The following CYP2U1 variants were observed in gnomAD, a reference collection of about 807,000 sequenced individuals.
CYP2U1 encodes the protein cytochrome P450 2U1.
Under a neutral mutation model 42.8 loss-of-function variants are expected in CYP2U1, and 28 were observed. That is an observed-to-expected ratio of 0.65 (90% confidence interval 0.48 to 0.90). The LOEUF (loss-of-function observed/expected upper bound fraction) is 0.90. CYP2U1 is among the 40% of genes least tolerant of loss of function. CYP2U1 has a pLI of 0.00. For synonymous variants in CYP2U1, 296 were observed against 278.9 expected (o/e 1.06, Z -0.61); for missense variants, 642 against 693.8 (o/e 0.93, Z 0.84).
At chr4:107,949,266 A>T (rs1733824042) in intron 3 of CYP2U1, 84 bp from the exon 4 acceptor site, 1 of 1,278,268 alleles carries the variant, frequency 7.8e-7, no homozygotes. Flanking sequence ...ATATAACTAC[A>T]TTTTTTTTTC....
chr4:107,946,188 G>C (rs751382423), intron 2 of CYP2U1, among the ~76,000 whole-genome samples: 5 of 152,162 alleles, frequency 3.3e-5, no homozygotes, highest in African/African-American at 2.4e-5. Context: ...TGAAAATCAG[G>C]ATGTTGACAG....
intron 1 of CYP2U1, chr4:107,937,995 C>T (rs944063238): frequency 1.3e-5 from 2 of 152,098 alleles, no homozygotes; most frequent in Non-Finnish European, 2.9e-5. Flanking sequence ...TTAGTCTATA[C>T]TTTATTTGGT....
chr4:107,946,968 C>A, intron 2 of CYP2U1, among the ~76,000 whole-genome samples: 1 of 152,174 alleles, frequency 6.6e-6, no homozygotes, highest in East Asian at 1.9e-4. Context: ...CACAGACCAA[C>A]TTGGTACAGA....
At chr4:107,941,412 C>A (rs1320163205) in intron 1 of CYP2U1, among the ~76,000 whole-genome samples, 4 of 152,054 alleles carry the variant, frequency 2.6e-5, no homozygotes, top group African/African-American at 4.8e-5. Flanking sequence ...GAAAATTTGG[C>A]TTTGACCGTT....
At chr4:107,941,617 T>TA (rs1402415295) in intron 1 of CYP2U1, among the ~76,000 whole-genome samples, 1 of 151,730 alleles carries the variant, frequency 6.6e-6, no homozygotes, top group African/African-American at 2.4e-5. Flanking sequence ...AGAAACTTTT[T>TA]TTTTTTTTTA....
Position 107,945,514 on chromosome 4 carries a change from C to T in CYP2U1, c.1035C>T (p.Ile345=). ...SSFDEEYLFY[I]IGDLFIAGTD... is the part of the protein sequence containing the mutation. ...TTGATGAAGAGTACTTATTTTATAT[C>T]ATTGGGGATCTCTTTATTGCTGGGA... The change falls in exon 2 of 5, where the codon ATC becomes ATT. Residue 345 remains isoleucine (I), a synonymous_variant. Coordinates refer to ENST00000332884, the MANE Select transcript of CYP2U1 (RefSeq NM_183075.3). The T allele has an allele frequency of 6.2e-7, 1 of 1,613,948 alleles. No homozygotes were observed. The highest frequency in any genetic ancestry group is 8.5e-7 in the Non-Finnish European group (1 of 1,179,950).
At chr4:107,932,739 C>T (rs1733074120) in intron 1 of CYP2U1, among the ~76,000 whole-genome samples, 1 of 152,196 alleles carries the variant, frequency 6.6e-6, no homozygotes. Flanking sequence ...TCTCTACCGT[C>T]CCCCTTTGTC....
At chr4:107,942,084 T>C (rs1340158726) in intron 1 of CYP2U1, among the ~76,000 whole-genome samples, 6 of 152,178 alleles carry the variant, frequency 3.9e-5, no homozygotes, top group Admixed American at 3.9e-4. Flanking sequence ...AGAAATGAAG[T>C]GTATCTGCGT....
At chr4:107,937,665 A>C (rs1733322637) in intron 1 of CYP2U1, 1 of 151,766 alleles carries the variant, frequency 6.6e-6, no homozygotes, top group Non-Finnish European at 1.5e-5. Flanking sequence ...CCTGCACCAC[A>C]CCTGGCTAAT....
At chr4:107,942,860 A>G (rs1181200476) in intron 1 of CYP2U1, among the ~76,000 whole-genome samples, 1 of 152,232 alleles carries the variant, frequency 6.6e-6, no homozygotes, top group African/African-American at 2.4e-5. Context: ...AAAATAGAGA[A>G]TGTGTTTATG....
At chr4:107,945,718 A>G in intron 2 of CYP2U1, 113 bp downstream of exon 2, 1 of 1,350,210 alleles carries the variant, frequency 7.4e-7, no homozygotes, top group East Asian at 2.3e-5. Flanking sequence ...CAGGCTGGCA[A>G]ACAAATACTT....
At chr4:107,937,950 A>G (rs747133903) in intron 1 of CYP2U1, 3 of 152,208 alleles carry the variant, frequency 2.0e-5, no homozygotes, top group Non-Finnish European at 4.4e-5. Context: ...TAGGAGCTGT[A>G]TAATATCTGT....
chr4:107,945,348 T>A lies in CYP2U1; in HGVS notation c.869T>A (p.Ile290Asn), dbSNP rs761095930. The change falls in exon 2 of 5, where the codon ATT becomes AAT. Residue 290 changes from isoleucine (I) to asparagine (N), a missense_variant. Coordinates refer to ENST00000332884, the MANE Select transcript of CYP2U1 (RefSeq NM_183075.3). ...GGACCATTTAAGGAATTAAGACAAA[T>A]TGAAAAGGATATAACCAGTTTCCTT... ...PFGPFKELRQ[I>N]EKDITSFLKK... is the part of the protein sequence containing the mutation. 13 of 1,613,960 alleles carry A rather than the reference T, an allele frequency of 8.1e-6. No individual in the cohort carries two copies. In the Admixed American group the frequency reaches 2.0e-4, roughly 25 times the overall value.
In CYP2U1 at chr4:107,949,466, G is replaced by C. The variant is rs755180651; in HGVS notation, c.1405G>C (p.Asp469His). ...PEDFYPNRFL[D>H]DQGQLIKKET... ...GGATTTCTACCCTAATCGATTTCTG[G>C]ATGACCAAGGACAACTAATTAAAAA... Residue 469 changes from aspartate to histidine, a missense_variant, in exon 4 of 5, where the codon GAT (aspartate) becomes CAT (histidine). By Grantham distance (81) the Asp-to-His change is moderately conservative. Coordinates refer to ENST00000332884, the MANE Select transcript of CYP2U1 (RefSeq NM_183075.3). 1 of 1,608,530 alleles carries C rather than the reference G, an allele frequency of 6.2e-7. No homozygotes were observed. The highest frequency in any genetic ancestry group is 1.7e-5 in the Admixed American group (1 of 59,696).
At chr4:107,934,361 T>C (rs1281459583) in intron 1 of CYP2U1, among the ~76,000 whole-genome samples, 1 of 152,186 alleles carries the variant, frequency 6.6e-6, no homozygotes, top group Admixed American at 6.5e-5. Flanking sequence ...CTACAGCAGA[T>C]ATGTGTGCTA....
chr4:107,945,574 G>C lies in CYP2U1; in HGVS notation c.1095G>C (p.Leu365=). ...DTTTNSLLWC[L]LYMSLNPDVQ... ...CAACTAACTCTTTGCTCTGGTGCCT[G>C]CTGTATATGTCGCTGAACCCCGATG... The change falls in exon 2 of 5, where the codon CTG becomes CTC. Residue 365 remains leucine, a synonymous_variant. Transcript: ENST00000332884. 1.2e-6 allele frequency: 2 copies of C among 1,600,738 alleles called. No homozygotes were observed. Among genetic ancestry groups the C allele is most frequent in the Non-Finnish European group, 1.7e-6 (2 of 1,172,200 alleles).
In CYP2U1 at chr4:107,951,294, A is replaced by T. The variant is rs1407789431; in HGVS notation, c.*871A>T. Reference sequence around the variant, plus strand: ...CTTTTTACTTAAGGCCTGAATGGTGAGCATGGGGATTTTGATACTGGGACT... The same window carrying T: ...CTTTTTACTTAAGGCCTGAATGGTGTGCATGGGGATTTTGATACTGGGACT... On this transcript the variant is annotated 3_prime_UTR_variant, in exon 5 of 5. Transcript: ENST00000332884. 6.6e-6 allele frequency: 1 copy of T among 152,126 alleles called. No individual in the cohort carries two copies. The highest frequency in any genetic ancestry group is 1.9e-4 in the East Asian group (1 of 5,178). The allele number at this position is 152,126 out of a possible 1,614,324, so 9.4% of individuals were successfully genotyped here.
Position 107,945,393 on chromosome 4 carries a change from A to T in CYP2U1, c.914A>T (p.His305Leu), listed in dbSNP as rs779834468. The change falls in exon 2 of 5, where the codon CAT becomes CTT. Residue 305 changes from histidine (H) to leucine (L), a missense_variant. Transcript: ENST00000332884. ...TSFLKKIIKDHQESLDRENPQ... is the reference protein window; with the variant it reads ...TSFLKKIIKDLQESLDRENPQ... ...TTCCTTAAAAAAATCATCAAAGACC[A>T]TCAAGAGTCTCTGGATAGAGAGAAC... 6.2e-6 allele frequency: 10 copies of T among 1,613,970 alleles called. No homozygotes were observed. Among genetic ancestry groups the T allele is most frequent in the Non-Finnish European group, 8.5e-6 (10 of 1,180,018 alleles).
intron 1 of CYP2U1, among the ~76,000 whole-genome samples, chr4:107,934,441 C>A (rs1429094173): frequency 1.3e-5 from 2 of 151,906 alleles, no homozygotes; most frequent in African/African-American, 4.8e-5. Flanking sequence ...ATTTATTTTT[C>A]TTTTTTTTCT....
Sources: allele counts gnomAD v4.1 joint callset (sites outside exome capture counted in the v4.1 genomes callset), GRCh38; gene constraint gnomAD v4.1.1; transcripts MANE v1.5; gene names NCBI Gene and HGNC (gene_info 2026-07-23, HGNC 2026-07-21).